AQP8: variants seen among roughly 807,000 people sequenced by gnomAD.
AQP8 encodes aquaporin 8.
AQP8 carries 14 observed loss-of-function variants against 26.1 expected under a neutral mutation model. The observed-to-expected ratio is 0.54, with a 90% confidence interval of 0.35 to 0.84. AQP8 has a LOEUF of 0.84. AQP8 is among the 40% of genes least tolerant of loss of function. The pLI, the probability that AQP8 is intolerant of heterozygous loss-of-function variation, is 0.01. For missense variants in AQP8, 301 were observed against 340.5 expected, an observed-to-expected ratio of 0.88 and a Z score of 0.91; for synonymous variants, 131 against 150.7, an observed-to-expected ratio of 0.87 and a Z score of 0.96.
intron 4 of AQP8, among the ~76,000 whole-genome samples, chr16:25,225,630 C>T (rs531815190): frequency 1.3e-5 from 2 of 152,096 alleles, no homozygotes; most frequent in South Asian, 2.1e-4. Context: ...AGGATGGTCT[C>T]GATTTCCTGA....
chr16:25,217,991 G>A (rs1042972820), intron 2 of AQP8, among the ~76,000 whole-genome samples: 1 of 152,020 alleles, frequency 6.6e-6, no homozygotes, highest in Non-Finnish European at 1.5e-5. Flanking sequence ...CAAAAGCCTT[G>A]TGGGGTAGGT....
chr16:25,225,766 C>T (rs918785815), intron 4 of AQP8, among the ~76,000 whole-genome samples: 1 of 152,032 alleles, frequency 6.6e-6, no homozygotes, highest in Non-Finnish European at 1.5e-5. Context: ...GTCTACAGGC[C>T]CCCAGCTGGA....
chr16:25,217,192 C>T lies in AQP8; in HGVS notation c.13-6C>T, dbSNP rs768900404. 60 of 1,613,868 alleles carry T rather than the reference C, an allele frequency of 3.7e-5. No homozygotes were observed. The highest frequency in any genetic ancestry group is 2.0e-4 in the East Asian group (9 of 44,888). On this transcript the variant is annotated splice_region_variant and splice_polypyrimidine_tract_variant and intron_variant, in intron 1 of 5. Coordinates refer to ENST00000219660, the MANE Select transcript of AQP8 (RefSeq NM_001169.3). ...CGTGTCCTCTGTCCCTTTTTCCCTA[C>T]GGCAGATAGCCATGTGTGAGCCTGA...
rs551833273 is a variant in AQP8, at chr16:25,228,601, C to A, written c.*109C>A. 2 of 1,181,982 alleles carry A rather than the reference C, an allele frequency of 1.7e-6. No homozygotes were observed. The highest frequency in any genetic ancestry group is 2.5e-6 in the Non-Finnish European group (2 of 807,498). 73.2% of individuals were successfully genotyped at this position (1,181,982 alleles called of 1,614,324 possible). On this transcript the variant is annotated 3_prime_UTR_variant, in exon 6 of 6. Transcript: ENST00000219660. ...CTGCCAGGGCAGAGGCCCAGAGGAG[C>A]GACCCCCTGCTTCCACTGCTTGGGC...
intron 4 of AQP8, among the ~76,000 whole-genome samples, chr16:25,225,231 G>A (rs1243899019): frequency 6.6e-6 from 1 of 152,164 alleles, no homozygotes; most frequent in Non-Finnish European, 1.5e-5. Context: ...CCATCCTCCT[G>A]CGTTGGCCTC....
rs771106662 is a variant in AQP8, at chr16:25,217,049, T to C, written c.4T>C (p.Ser2Pro). The change falls in exon 1 of 6, where the codon TCT becomes CCT. Residue 2 changes from serine (S) to proline (P), a missense_variant. By Grantham distance (74) the Ser-to-Pro change is moderately conservative (BLOSUM62 -1). Transcript: ENST00000219660. M[S>P]GEIAMCEPEF... The stretch of plus-strand genomic sequence containing the variant: ...ATGTTTGTGCCATCTGATCCTGATG[T>C]CTGGAGAGGTGAGCCCTCTGTCGGC... 2 of 1,614,056 alleles carry C rather than the reference T, an allele frequency of 1.2e-6. No homozygotes were observed. The highest frequency in any genetic ancestry group is 1.7e-6 in the Non-Finnish European group (2 of 1,180,026).
intron 3 of AQP8, among the ~76,000 whole-genome samples, 180 bp from the exon 4 acceptor site, chr16:25,224,182 G>C (rs572518915): frequency 4.6e-5 from 7 of 152,202 alleles, no homozygotes; most frequent in Non-Finnish European, 1.0e-4. Context: ...AGTAGTTCAC[G>C]CAGGGTCGCA....
intron 4 of AQP8, among the ~76,000 whole-genome samples, chr16:25,226,560 G>T (rs1236739021): frequency 6.6e-6 from 1 of 151,974 alleles, no homozygotes; most frequent in Non-Finnish European, 1.5e-5. Flanking sequence ...TCTGGCTGAG[G>T]TTACATGAGA....
In AQP8 at chr16:25,224,472, G is replaced by A. The variant is rs756277703; in HGVS notation, c.498G>A (p.Thr166=). The change falls in exon 4 of 6, where the codon ACG becomes ACA. Residue 166 remains threonine, a synonymous_variant. Coordinates refer to ENST00000219660, the MANE Select transcript of AQP8 (RefSeq NM_001169.3). The part of the protein sequence containing the change: ...GALVAEIILT[T]LLALAVCMGA... Reference sequence around the variant, plus strand: ...TGGTGGCAGAGATCATCCTGACGACGCTGCTGGCCCTGGCTGTATGCATGG... The same window carrying A: ...TGGTGGCAGAGATCATCCTGACGACACTGCTGGCCCTGGCTGTATGCATGG... 60 of 1,614,006 alleles carry A rather than the reference G, an allele frequency of 3.7e-5. No homozygotes were observed. In the African/African-American group the frequency reaches 7.1e-4, roughly 19 times the overall value.
chr16:25,228,407 C>T, intron 5 of AQP8, 37 bp from the exon 6 acceptor site: 1 of 1,611,780 alleles, frequency 6.2e-7, no homozygotes, highest in Non-Finnish European at 8.5e-7. Context: ...GGTCTCACCT[C>T]CGGGGCAGAG....
chr16:25,227,007 G>A (rs1170594063), intron 4 of AQP8, 61 bp from the exon 5 acceptor site: 1 of 1,610,936 alleles, frequency 6.2e-7, no homozygotes. Context: ...GGGGACATGA[G>A]TGTGAGGTGA....
At chr16:25,225,973 A>T (rs1962627879) in intron 4 of AQP8, among the ~76,000 whole-genome samples, 1 of 152,184 alleles carries the variant, frequency 6.6e-6, no homozygotes, top group African/African-American at 2.4e-5. Flanking sequence ...TCCTGATGAC[A>T]ACCTATGGGA....
Position 25,217,244 on chromosome 16 carries a change from C to T in AQP8, c.59C>T (p.Pro20Leu), listed in dbSNP as rs752434452. Residue 20 changes from proline to leucine, a missense_variant, in exon 2 of 6, where the codon CCG becomes CTG. Physicochemically the swap from Pro to Leu is moderately conservative, Grantham distance 98. Transcript: ENST00000219660. The stretch of plus-strand genomic sequence containing the variant: ...TTTGGCAATGACAAGGCCAGGGAGC[C>T]GAGCGTGGGTGGCAGGTGGCGAGTG... ...PEFGNDKARE[P>L]SVGGRWRVSW... 37 of 1,614,070 alleles carry T rather than the reference C, an allele frequency of 2.3e-5. No homozygotes were observed. The highest frequency in any genetic ancestry group is 1.3e-4 in the African/African-American group (10 of 74,928).
At chr16:25,218,916 A>G (rs532950368) in intron 2 of AQP8, among the ~76,000 whole-genome samples, 2 of 151,066 alleles carry the variant, frequency 1.3e-5, no homozygotes, top group Non-Finnish European at 3.0e-5. Flanking sequence ...CAAAAAACAA[A>G]CCACATCTCT....
intron 2 of AQP8, 59 bp from the exon 3 acceptor site, chr16:25,221,398 A>G (rs1316383329): frequency 1.0e-5 from 16 of 1,591,052 alleles, no homozygotes; most frequent in Non-Finnish European, 1.4e-5. Flanking sequence ...CACTGTCTCA[A>G]GTGCCAGCCA....
chr16:25,225,149 C>T (rs535391337), intron 4 of AQP8, among the ~76,000 whole-genome samples: 1 of 152,258 alleles, frequency 6.6e-6, no homozygotes, highest in African/African-American at 2.4e-5. Flanking sequence ...TGAGTGAACC[C>T]TTTTAATTTT....
chr16:25,224,055 G>C (rs1962598578), intron 3 of AQP8, among the ~76,000 whole-genome samples: 1 of 152,158 alleles, frequency 6.6e-6, no homozygotes, highest in African/African-American at 2.4e-5. Context: ...TCAAACTCCT[G>C]GGCTCTAGTG....
chr16:25,224,906 A>C (rs1022161967), intron 4 of AQP8, among the ~76,000 whole-genome samples: 9 of 152,250 alleles, frequency 5.9e-5, no homozygotes, highest in Admixed American at 4.6e-4. Context: ...AACTGTGTTC[A>C]TTCGGTCAGC....
intron 3 of AQP8, among the ~76,000 whole-genome samples, chr16:25,223,812 ATTTTTC>A (rs928257442): frequency 1.2e-4 from 18 of 150,594 alleles, no homozygotes; most frequent in South Asian, 2.1e-4. Flanking sequence ...GGTTATCCCC[ATTTTTC>A]TTTTTCTTTT....
Sources: gnomAD v4.1 joint callset for allele counts (sites outside exome capture counted in the v4.1 genomes callset) on GRCh38, gnomAD v4.1.1 for gene constraint, MANE v1.5 for transcripts, NCBI Gene and HGNC (gene_info 2026-07-23, HGNC 2026-07-21) for gene names.